The following STK32C variants were observed in gnomAD, a reference collection of about 807,000 sequenced individuals.
STK32C encodes serine/threonine kinase 32C.
Under a neutral mutation model 56.5 loss-of-function variants are expected in STK32C, and 31 were observed. The observed-to-expected ratio is 0.55, with a 90% CI of 0.41 to 0.74. The LOEUF is 0.74. Among genes scored for constraint, STK32C ranks in the 30% least tolerant of loss-of-function variants. The pLI, the probability that STK32C is intolerant of heterozygous loss-of-function variation, is 0.00. For synonymous variants in STK32C, 309 were observed against 289.4 expected (o/e 1.07, Z -0.69); for missense variants, 544 against 676.9 (o/e 0.80, Z 2.18).
At chr10:132,208,681 T>C (rs565648415) in intron 11 of STK32C, among the ~76,000 whole-genome samples, 2 of 152,286 alleles carry the variant, frequency 1.3e-5, no homozygotes, top group Non-Finnish European at 2.9e-5. Flanking sequence ...TTCTGTCCCC[T>C]GGGGCCTGAC....
chr10:132,305,723 G>A (rs2066038497), intron 1 of STK32C, among the ~76,000 whole-genome samples: 1 of 152,338 alleles, frequency 6.6e-6, no homozygotes, highest in Admixed American at 6.5e-5. Flanking sequence ...TGCAAACCCT[G>A]TGCTATGACT....
intron 3 of STK32C, 38 bp downstream of exon 3, chr10:132,227,939 C>T (rs781236410): frequency 1.1e-5 from 17 of 1,606,592 alleles, no homozygotes; most frequent in South Asian, 2.2e-5. Context: ...GGCTTCAGGA[C>T]GGTAAGTCTT....
chr10:132,318,712 G>T, intron 1 of STK32C, among the ~76,000 whole-genome samples: 1 of 152,010 alleles, frequency 6.6e-6, no homozygotes, highest in East Asian at 1.9e-4. Flanking sequence ...TGTAAAATGT[G>T]ATAAACATTA....
intron 1 of STK32C, among the ~76,000 whole-genome samples, chr10:132,274,408 T>C (rs2064935981): frequency 6.6e-6 from 1 of 152,226 alleles, no homozygotes; most frequent in Non-Finnish European, 1.5e-5. Context: ...CACGGTTTTA[T>C]TTTGGACACT....
upstream of STK32C, among the ~76,000 whole-genome samples, chr10:132,309,618 G>A (rs1035140980): frequency 6.6e-6 from 1 of 152,174 alleles, no homozygotes; most frequent in Non-Finnish European, 1.5e-5. Flanking sequence ...CCATTCTCCA[G>A]CAGGCACGCA....
intron 10 of STK32C, among the ~76,000 whole-genome samples, chr10:132,221,695 C>T (rs2062664616): frequency 6.8e-6 from 1 of 146,860 alleles, no homozygotes; most frequent in African/African-American, 2.6e-5. Flanking sequence ...CCCACACACA[C>T]AACTGATGCT....
At chr10:132,237,066 G>A (rs946176618) in intron 2 of STK32C, among the ~76,000 whole-genome samples, 1 of 152,242 alleles carries the variant, frequency 6.6e-6, no homozygotes, top group Non-Finnish European at 1.5e-5. Flanking sequence ...ACGGGTGGAT[G>A]GATCCCTTGG....
intron 1 of STK32C, among the ~76,000 whole-genome samples, chr10:132,264,429 T>C (rs1480624466): frequency 6.6e-6 from 1 of 151,970 alleles, no homozygotes. Context: ...AGGCGTTAGG[T>C]GGGCGGGACG....
At chr10:132,267,735 G>A (rs1479779624) in intron 1 of STK32C, among the ~76,000 whole-genome samples, 20 of 124,560 alleles carry the variant, frequency 1.6e-4, no homozygotes, top group Non-Finnish European at 3.0e-4. Flanking sequence ...GTCCCACATC[G>A]TGTGTGTGTG....
intron 1 of STK32C, among the ~76,000 whole-genome samples, chr10:132,267,659 G>A (rs1330635646): frequency 2.1e-5 from 3 of 142,862 alleles, no homozygotes; most frequent in African/African-American, 8.1e-5. Flanking sequence ...CACATCATGT[G>A]TGTGTGTGTC....
intron 1 of STK32C, among the ~76,000 whole-genome samples, chr10:132,248,365 G>A (rs553237539): frequency 7.2e-5 from 11 of 152,336 alleles, no homozygotes; most frequent in East Asian, 5.8e-4. Context: ...CGGAGTCTGC[G>A]GGGCCTGCCC....
intron 1 of STK32C, among the ~76,000 whole-genome samples, chr10:132,330,962 G>T (rs7096166): frequency 0.36 from 54,365 of 150,440 alleles, 9,933 homozygotes; most frequent in Non-Finnish European, 0.4. Flanking sequence ...CAGCACTTTG[G>T]GAGGCCGAGG....
intron 8 of STK32C, 72 bp downstream of exon 8, chr10:132,224,335 C>T (rs2062796517): frequency 1.8e-6 from 2 of 1,139,584 alleles, no homozygotes; most frequent in East Asian, 5.1e-5. Context: ...GAGGGGGTGT[C>T]CCGAGCCGCA....
At chr10:132,317,462 T>C (rs1483812725) in intron 1 of STK32C, among the ~76,000 whole-genome samples, 1 of 152,208 alleles carries the variant, frequency 6.6e-6, no homozygotes. Context: ...AGGTTGGAAG[T>C]CATCTTTCTG....
chr10:132,265,174 T>TG (rs34328561), intron 1 of STK32C, among the ~76,000 whole-genome samples: 29,089 of 108,904 alleles, frequency 0.27, 4,626 homozygotes, highest in Non-Finnish European at 0.35. Context: ...GGCGGCGAGG[T>TG]GGCTCTGGGG....
chr10:132,243,401 T>C (rs529900799), intron 2 of STK32C, among the ~76,000 whole-genome samples: 5 of 150,146 alleles, frequency 3.3e-5, no homozygotes, highest in Admixed American at 1.3e-4. Flanking sequence ...GGGTGGAGAG[T>C]GGGCTGGACG....
At chr10:132,229,920 G>A (rs1240820831) in intron 2 of STK32C, among the ~76,000 whole-genome samples, 1 of 152,258 alleles carries the variant, frequency 6.6e-6, no homozygotes, top group Non-Finnish European at 1.5e-5. Context: ...TCTAAGTATG[G>A]CCTCTCCAGG....
chr10:132,229,183 G>A (rs1367456436), intron 2 of STK32C, among the ~76,000 whole-genome samples: 2 of 152,194 alleles, frequency 1.3e-5, no homozygotes, highest in African/African-American at 4.8e-5. Context: ...ACTCAGGTTG[G>A]GAGAGACCTT....
intron 10 of STK32C, among the ~76,000 whole-genome samples, chr10:132,212,032 G>C (rs901465093): frequency 2.6e-5 from 4 of 152,130 alleles, no homozygotes. Context: ...GGAGGGGCCT[G>C]GGAAATGGAG....
Sources: allele counts gnomAD v4.1 joint callset (sites outside exome capture counted in the v4.1 genomes callset), GRCh38; gene constraint gnomAD v4.1.1; transcripts MANE v1.5; gene names NCBI Gene and HGNC (gene_info 2026-07-23, HGNC 2026-07-21).